Variants in TYW1 observed in about 807,000 individuals in gnomAD.
The protein encoded by TYW1 is S-adenosyl-L-methionine-dependent tRNA 4-demethylwyosine synthase TYW1.
In TYW1, 46 loss-of-function variants were observed where a neutral mutation model predicts 96.2. That is an observed-to-expected ratio of 0.48 (90% CI 0.38 to 0.61). The LOEUF (loss-of-function observed/expected upper bound fraction) is 0.61, where lower values mean the gene tolerates loss of function less well. Among genes scored for constraint, TYW1 ranks in the 20% least tolerant of loss-of-function variants. The pLI, the probability that TYW1 is intolerant of heterozygous loss-of-function variation, is 0.00. For missense variants in TYW1, 684 were observed against 909.6 expected, an observed-to-expected ratio of 0.75 and a Z score of 3.19; for synonymous variants, 274 against 323.0, an observed-to-expected ratio of 0.85 and a Z score of 1.63.
chr7:67,111,889 C>G (rs906351017), intron 12 of TYW1, among the ~76,000 whole-genome samples: 1 of 152,028 alleles, frequency 6.6e-6, no homozygotes, highest in Non-Finnish European at 1.5e-5. Context: ...CACCTGCAGT[C>G]AGTTCAAGAA....
intron 10 of TYW1, among the ~76,000 whole-genome samples, chr7:67,077,252 A>T (rs899692778): frequency 6.6e-6 from 1 of 152,096 alleles, no homozygotes; most frequent in African/African-American, 2.4e-5. Context: ...TTTCCTTTGG[A>T]TGTATATTCA....
chr7:67,043,791 G>A (rs1584495573), intron 7 of TYW1, among the ~76,000 whole-genome samples: 1 of 152,258 alleles, frequency 6.6e-6, no homozygotes, highest in East Asian at 1.9e-4. Flanking sequence ...GAATTACGGT[G>A]TCAGAGTAAA....
chr7:67,160,798 G>A (rs1173225938), intron 13 of TYW1, among the ~76,000 whole-genome samples: 1 of 151,386 alleles, frequency 6.6e-6, no homozygotes, highest in African/African-American at 2.4e-5. Flanking sequence ...CACCACGTTG[G>A]CCAGGCTGAT....
At chr7:67,189,080 T>A (rs1800118780) in intron 14 of TYW1, among the ~76,000 whole-genome samples, 1 of 152,196 alleles carries the variant, frequency 6.6e-6, no homozygotes, top group Admixed American at 6.5e-5. Flanking sequence ...ACTAACCTAA[T>A]TGGATTTAGG....
chr7:67,084,246 A>G (rs1796472847), intron 11 of TYW1, among the ~76,000 whole-genome samples: 2 of 145,806 alleles, frequency 1.4e-5, no homozygotes, highest in South Asian at 4.4e-4. Flanking sequence ...ACCGTTTTGA[A>G]TGAATTCCTT....
chr7:67,132,184 C>A (rs1004540438), intron 13 of TYW1, among the ~76,000 whole-genome samples: 4 of 148,978 alleles, frequency 2.7e-5, no homozygotes, highest in African/African-American at 1.0e-4. Context: ...GATCATGGCT[C>A]ACCACAGCCT....
intron 3 of TYW1, among the ~76,000 whole-genome samples, chr7:67,007,149 T>A (rs1285343836): frequency 6.6e-6 from 1 of 151,876 alleles, no homozygotes; most frequent in Non-Finnish European, 1.5e-5. Context: ...GCTAATTCTT[T>A]ATTTGCATAT....
chr7:67,082,910 A>G (rs1648749305), intron 10 of TYW1, among the ~76,000 whole-genome samples: 2 of 151,950 alleles, frequency 1.3e-5, no homozygotes, highest in Admixed American at 6.6e-5. Flanking sequence ...CCAGGGCAGG[A>G]TACACTCTAG....
intron 9 of TYW1, among the ~76,000 whole-genome samples, chr7:67,062,722 C>T (rs577306160): frequency 4.9e-4 from 74 of 152,104 alleles, no homozygotes; most frequent in African/African-American, 1.6e-3. Context: ...ACATCTATTC[C>T]TCAAAAACCG....
chr7:67,049,789 C>T (rs1795301083), intron 7 of TYW1, among the ~76,000 whole-genome samples, 160 bp from the exon 8 acceptor site: 3 of 152,076 alleles, frequency 2.0e-5, no homozygotes, highest in Non-Finnish European at 2.9e-5. Flanking sequence ...TCAGGTGATC[C>T]GCCTGCCCTG....
chr7:67,168,081 C>T (rs1474966005), intron 13 of TYW1, among the ~76,000 whole-genome samples: 4 of 149,680 alleles, frequency 2.7e-5, no homozygotes, highest in African/African-American at 9.9e-5. Flanking sequence ...AATACTCCAC[C>T]ATACTGAAGA....
chr7:67,019,723 A>C (rs1168115134), intron 6 of TYW1, among the ~76,000 whole-genome samples: 1 of 152,290 alleles, frequency 6.6e-6, no homozygotes, highest in African/African-American at 2.4e-5. Flanking sequence ...GGACTGCTCC[A>C]TTAGCTTTTG....
Position 67,238,479 on chromosome 7 carries a change from G to A in TYW1, c.2149G>A (p.Asp717Asn), listed in dbSNP as rs139053407. ...GASERGFDPKDTRHQRKNKSK... is the reference protein window; with the variant it reads ...GASERGFDPKNTRHQRKNKSK... ...CAGTGAAAGAGGCTTTGATCCCAAG[G>A]ACACAAGACATCAGAGAAAGAACAA... is the stretch of plus-strand genomic sequence containing the variant. The change falls in exon 16 of 16, where the codon GAC becomes AAC. Residue 717 changes from aspartate (D) to asparagine (N), a missense_variant. Coordinates refer to ENST00000359626, the MANE Select transcript of TYW1 (RefSeq NM_018264.4). 55 of 1,613,808 alleles carry A rather than the reference G, an allele frequency of 3.4e-5. No individual in the cohort carries two copies. The highest frequency in any genetic ancestry group is 3.3e-5 in the South Asian group (3 of 91,072).
At chr7:67,213,149 G>C (rs1416941862) in intron 15 of TYW1, among the ~76,000 whole-genome samples, 2 of 150,492 alleles carry the variant, frequency 1.3e-5, no homozygotes, top group Non-Finnish European at 3.0e-5. Flanking sequence ...TGGGATTACA[G>C]GTATGAGCCA....
intron 12 of TYW1, among the ~76,000 whole-genome samples, chr7:67,101,254 T>C (rs1357123021): frequency 6.6e-6 from 1 of 152,112 alleles, no homozygotes; most frequent in African/African-American, 2.4e-5. Context: ...GACTTTTCCC[T>C]TACCTCCCTC....
At chr7:67,136,219 A>G (rs886195017) in intron 13 of TYW1, among the ~76,000 whole-genome samples, 2 of 152,206 alleles carry the variant, frequency 1.3e-5, no homozygotes, top group Admixed American at 1.3e-4. Context: ...AAAGAGCTTC[A>G]GTTTGTTAAC....
intron 7 of TYW1, among the ~76,000 whole-genome samples, chr7:67,041,143 C>T (rs1447973620): frequency 6.6e-6 from 1 of 152,066 alleles, no homozygotes; most frequent in African/African-American, 2.4e-5. Context: ...TGGTATGACA[C>T]AAAATAAGCT....
intron 15 of TYW1, among the ~76,000 whole-genome samples, chr7:67,197,324 G>T (rs888593189): frequency 1.7e-4 from 22 of 128,188 alleles, no homozygotes; most frequent in African/African-American, 2.4e-4. Context: ...CGAGACCTCT[G>T]TCTTTTTTTT....
chr7:67,070,439 C>T (rs1450353380), intron 10 of TYW1, among the ~76,000 whole-genome samples: 2 of 152,088 alleles, frequency 1.3e-5, no homozygotes, highest in Non-Finnish European at 2.9e-5. Context: ...ATTTTCTTCA[C>T]ACTTTTTTTT....
Sources: allele counts gnomAD v4.1 joint callset (sites outside exome capture counted in the v4.1 genomes callset), GRCh38; gene constraint gnomAD v4.1.1; transcripts MANE v1.5; gene names NCBI Gene and HGNC (gene_info 2026-07-23, HGNC 2026-07-21).